Variants in ANTXRL observed in about 807,000 individuals in gnomAD.
ANTXRL encodes the protein ANTXR like, also known as anthrax toxin receptor-like.
A neutral mutation model predicts 75.4 loss-of-function variants in ANTXRL; 63 were observed. The observed-to-expected ratio is 0.84, with a 90% CI of 0.68 to 1.03. The LOEUF (loss-of-function observed/expected upper bound fraction) is 1.03. Ranked by LOEUF, ANTXRL falls within the 50% of genes least tolerant of loss-of-function variation. The probability of loss-of-function intolerance (pLI) is 0.00; values close to 1 mark genes in which losing one functional copy is unlikely to be tolerated. For missense variants in ANTXRL, 797 were observed against 789.4 expected (o/e 1.01, Z -0.12); for synonymous variants, 335 against 291.3 (o/e 1.15, Z -1.53).
At position 46,311,533 on chromosome 10, in the gene ANTXRL, A is replaced by G; in HGVS notation, c.1197A>G (p.Pro399=). ...PEKEPEQEKP[P]SPPPPPPPPP... ...AGGAGCCAGAGCAGGAAAAACCACC[A>G]TCACCACCACCACCGCCTCCGCCTC... The change falls in exon 15 of 17, where the codon CCA becomes CCG. Residue 399 remains proline, a synonymous_variant. Coordinates refer to ENST00000620264, the MANE Select transcript of ANTXRL (RefSeq NM_001278688.3). 6 of 1,534,008 alleles carry G rather than the reference A, an allele frequency of 3.9e-6. No homozygotes were observed. The highest frequency in any genetic ancestry group is 5.2e-6 in the Non-Finnish European group (6 of 1,145,914).
chr10:46,302,146 G>A (rs1837787648), intron 9 of ANTXRL, among the ~76,000 whole-genome samples: 2 of 152,164 alleles, frequency 1.3e-5, no homozygotes, highest in Admixed American at 6.5e-5. Flanking sequence ...CCTTGAGCAG[G>A]GTCCTAGGTG....
intron 9 of ANTXRL, among the ~76,000 whole-genome samples, chr10:46,300,194 C>A (rs760051311): frequency 1.9e-4 from 29 of 152,300 alleles, no homozygotes; most frequent in Non-Finnish European, 3.4e-4. Context: ...CAGTCACAGC[C>A]CTGATCTGTC....
chr10:46,301,173 C>T (rs1837716374), intron 9 of ANTXRL, among the ~76,000 whole-genome samples: 1 of 152,242 alleles, frequency 6.6e-6, no homozygotes, highest in Admixed American at 6.5e-5. Context: ...GGCCCAGTTG[C>T]TCCCTCCCGG....
At chr10:46,303,278 C>A (rs1418331251) in intron 10 of ANTXRL, among the ~76,000 whole-genome samples, 2 of 152,312 alleles carry the variant, frequency 1.3e-5, no homozygotes, top group East Asian at 3.8e-4. Flanking sequence ...GGATGCCAGC[C>A]TGTAGGCCTG....
At chr10:46,315,906 GTC>G (rs1394916679) in intron 16 of ANTXRL, among the ~76,000 whole-genome samples, 1 of 152,096 alleles carries the variant, frequency 6.6e-6, no homozygotes, top group African/African-American at 2.4e-5. Flanking sequence ...AATTGAGTGT[GTC>G]TCCCTGCTCC....
chr10:46,304,416 A>G (rs113774879), intron 10 of ANTXRL, among the ~76,000 whole-genome samples: 26,261 of 150,840 alleles, frequency 0.17, 1,984 homozygotes, highest in East Asian at 0.25. Flanking sequence ...GAATTGTTTT[A>G]AGACCATTAC....
chr10:46,306,088 G>A (rs1323923937), intron 10 of ANTXRL, among the ~76,000 whole-genome samples: 2 of 152,180 alleles, frequency 1.3e-5, no homozygotes, highest in African/African-American at 2.4e-5. Flanking sequence ...TCCTTGACAA[G>A]GTCAGCGAGT....
At chr10:46,304,961 G>A (rs1554961510) in intron 10 of ANTXRL, among the ~76,000 whole-genome samples, 1 of 152,188 alleles carries the variant, frequency 6.6e-6, no homozygotes, top group African/African-American at 2.4e-5. Context: ...ACGTCTCACA[G>A]TGGGGAGCCC....
intron 9 of ANTXRL, among the ~76,000 whole-genome samples, chr10:46,302,162 C>T (rs1379717675): frequency 1.3e-5 from 2 of 152,188 alleles, no homozygotes; most frequent in African/African-American, 2.4e-5. Context: ...AGGTGGCTCG[C>T]CTGCCCCACC....
chr10:46,295,225 C>T (rs549873172), intron 3 of ANTXRL, among the ~76,000 whole-genome samples: 1 of 152,270 alleles, frequency 6.6e-6, no homozygotes, highest in African/African-American at 2.4e-5. Context: ...GAGCAGGAAA[C>T]TGAGTCAGGG....
chr10:46,301,811 C>T (rs1837761263), intron 9 of ANTXRL, among the ~76,000 whole-genome samples: 1 of 152,190 alleles, frequency 6.6e-6, no homozygotes, highest in African/African-American at 2.4e-5. Flanking sequence ...GGAAGCTTTC[C>T]TTGGGTGCAT....
At chr10:46,321,912 TTAAGA>T (rs1554965661) in intron 16 of ANTXRL, among the ~76,000 whole-genome samples, 1 of 152,100 alleles carries the variant, frequency 6.6e-6, no homozygotes, top group Non-Finnish European at 1.5e-5. Context: ...AATTTGAGTT[TTAAGA>T]TGTCATTTGT....
At chr10:46,309,559 G>C (rs1197431507) in intron 13 of ANTXRL, among the ~76,000 whole-genome samples, 1 of 152,242 alleles carries the variant, frequency 6.6e-6, no homozygotes, top group African/African-American at 2.4e-5. Context: ...AGGGCCAGGA[G>C]GTGGCCTCTG....
chr10:46,302,597 A>G (rs782453004), intron 9 of ANTXRL, 125 bp from the exon 10 acceptor site: 27 of 671,074 alleles, frequency 4.0e-5, no homozygotes, highest in African/African-American at 3.6e-4. Context: ...GTTCAGACAC[A>G]GCTCTTTCCT....
intron 10 of ANTXRL, among the ~76,000 whole-genome samples, chr10:46,303,738 A>G (rs1310492903): frequency 1.3e-5 from 2 of 151,940 alleles, no homozygotes; most frequent in Non-Finnish European, 2.9e-5. Context: ...GCATCAGGGA[A>G]CCTCTGTGAT....
intron 1 of ANTXRL, among the ~76,000 whole-genome samples, chr10:46,287,884 G>A (rs1836829876): frequency 6.6e-6 from 1 of 152,126 alleles, no homozygotes; most frequent in African/African-American, 2.4e-5. Flanking sequence ...TGTTTTGCTT[G>A]TTTGTTTTTT....
At chr10:46,312,680 C>T (rs1486796057) in intron 15 of ANTXRL, among the ~76,000 whole-genome samples, 4 of 147,880 alleles carry the variant, frequency 2.7e-5, no homozygotes, top group African/African-American at 1.0e-4. Flanking sequence ...CGGCCCTCAT[C>T]CCATCCCCAC....
chr10:46,312,742 C>T (rs1262374761), intron 15 of ANTXRL, among the ~76,000 whole-genome samples: 10 of 149,108 alleles, frequency 6.7e-5, no homozygotes, highest in African/African-American at 2.5e-4. Context: ...GGGCTGCCCG[C>T]CGTGGGTCCT....
intron 9 of ANTXRL, among the ~76,000 whole-genome samples, chr10:46,301,348 G>A (rs1451560604): frequency 6.6e-6 from 1 of 152,242 alleles, no homozygotes; most frequent in African/African-American, 2.4e-5. Context: ...GCTCAGAACA[G>A]GGCACCAAGT....
Sources: gnomAD v4.1 joint callset for allele counts (sites outside exome capture counted in the v4.1 genomes callset) on GRCh38, gnomAD v4.1.1 for gene constraint, MANE v1.5 for transcripts, NCBI Gene and HGNC (gene_info 2026-07-23, HGNC 2026-07-21) for gene names.